Variants in SAMD3 observed in about 807,000 individuals in gnomAD.
The protein encoded by SAMD3 is sterile alpha motif domain-containing protein 3.
A neutral mutation model predicts 58.5 loss-of-function variants in SAMD3; 63 were observed. The ratio of observed to expected loss-of-function variants is 1.08; its 90% CI spans 0.88 to 1.33. The LOEUF (loss-of-function observed/expected upper bound fraction) is 1.33, where lower values mean the gene tolerates loss of function less well. SAMD3 is among the 40% of genes most tolerant of loss of function. SAMD3 has a pLI of 0.00. For missense variants in SAMD3, 604 were observed against 608.4 expected, an observed-to-expected ratio of 0.99 and a Z score of 0.08; for synonymous variants, 220 against 210.3, an observed-to-expected ratio of 1.05 and a Z score of -0.40.
At chr6:130,354,260 GT>G (rs1342609506) in intron 1 of SAMD3, among the ~76,000 whole-genome samples, 1 of 152,222 alleles carries the variant, frequency 6.6e-6, no homozygotes, top group East Asian at 1.9e-4. Context: ...GTGGAAAGAA[GT>G]GTGGTAATTC....
At chr6:130,172,763 T>C (rs1791363971) in intron 8 of SAMD3, among the ~76,000 whole-genome samples, 1 of 152,218 alleles carries the variant, frequency 6.6e-6, no homozygotes, top group African/African-American at 2.4e-5. Context: ...TCTTGCTAGG[T>C]TGGGGAAGTT....
intron 4 of SAMD3, among the ~76,000 whole-genome samples, chr6:130,213,239 C>A (rs9483092): frequency 0.8 from 121,965 of 151,992 alleles, 49,580 homozygotes; most frequent in African/African-American, 0.93. Context: ...TCGAAGCTGC[C>A]GTGAGCTATG....
chr6:130,332,892 G>A (rs1431802868), intron 1 of SAMD3, among the ~76,000 whole-genome samples: 4 of 152,158 alleles, frequency 2.6e-5, no homozygotes, highest in Non-Finnish European at 5.9e-5. Context: ...ATCCAGACCT[G>A]TGGAGGAACT....
intron 5 of SAMD3, among the ~76,000 whole-genome samples, chr6:130,208,706 C>G (rs369679495): frequency 1.2e-4 from 18 of 152,184 alleles, no homozygotes; most frequent in Admixed American, 7.2e-4. Context: ...CTCACTGATT[C>G]TACATTATGG....
intron 1 of SAMD3, among the ~76,000 whole-genome samples, chr6:130,219,328 TA>T (rs1381978762): frequency 2.2e-5 from 3 of 135,758 alleles, no homozygotes; most frequent in Non-Finnish European, 4.9e-5. Context: ...TACAGGGATT[TA>T]TTTTTTTTTA....
At chr6:130,157,620 C>A (rs923008625) in intron 8 of SAMD3, among the ~76,000 whole-genome samples, 5 of 152,030 alleles carry the variant, frequency 3.3e-5, no homozygotes, top group African/African-American at 1.2e-4. Context: ...AGCCACCACG[C>A]CTGACAGATA....
chr6:130,365,134 T>C, exon 1 of SAMD3: 1 of 966,498 alleles, frequency 1.0e-6, no homozygotes, highest in Non-Finnish European at 1.2e-6. Flanking sequence ...TTGGCCTGCA[T>C]ATATACAGTC....
chr6:130,204,583 C>T (rs867807316), intron 5 of SAMD3, among the ~76,000 whole-genome samples: 121 of 139,080 alleles, frequency 8.7e-4, no homozygotes, highest in African/African-American at 3.3e-3. Context: ...GGTGACAGAA[C>T]GAGACCCTAT....
At chr6:130,211,432 C>T (rs113029343) in intron 4 of SAMD3, among the ~76,000 whole-genome samples, 111 of 151,810 alleles carry the variant, frequency 7.3e-4, no homozygotes, top group African/African-American at 2.4e-3. Flanking sequence ...TACAGGCACC[C>T]GCCACCAGGT....
chr6:130,224,232 T>G (rs1796321130), upstream of SAMD3, among the ~76,000 whole-genome samples: 1 of 152,154 alleles, frequency 6.6e-6, no homozygotes, highest in Non-Finnish European at 1.5e-5. Context: ...CGCTTGTGTC[T>G]GTGCCCGCTA....
rs201121414 is a variant in SAMD3, at chr6:130,299,176, AT to A, written c.-188+13801del. Reference sequence around the variant, plus strand: ...TAATATAATTTTTCTAATCTGTGCTATGAAAAATTCTCTAAAATTGACCATA... The same window carrying A: ...TAATATAATTTTTCTAATCTGTGCTAGAAAAATTCTCTAAAATTGACCATA... On this transcript the variant is annotated intron_variant, in intron 2 of 13. Coordinates refer to the SAMD3 transcript ENST00000368134. Among the ~76,000 whole-genome samples, 1,264 of 152,322 alleles carry A rather than the reference AT, an allele frequency of 8.3e-3. 9 individuals carry two copies. Among genetic ancestry groups the A allele is most frequent in the Non-Finnish European group, 0.012 (817 of 68,008 alleles).
intron 2 of SAMD3, among the ~76,000 whole-genome samples, chr6:130,289,835 C>T (rs886772989): frequency 5.9e-5 from 9 of 152,104 alleles, no homozygotes; most frequent in African/African-American, 2.2e-4. Context: ...GTCAGAAGAC[C>T]TAGGTAGGTG....
intron 1 of SAMD3, among the ~76,000 whole-genome samples, chr6:130,356,234 T>G (rs765101610): frequency 3.9e-5 from 6 of 152,150 alleles, no homozygotes; most frequent in Non-Finnish European, 5.9e-5. Flanking sequence ...TATTCACCCT[T>G]TTCCTCATCT....
chr6:130,357,100 A>C (rs1279847028), intron 1 of SAMD3, among the ~76,000 whole-genome samples: 1 of 151,702 alleles, frequency 6.6e-6, no homozygotes, highest in Non-Finnish European at 1.5e-5. Flanking sequence ...AGATTTAAAA[A>C]ATTATCTGCC....
At chr6:130,217,586 CT>C (rs1796068113) in intron 1 of SAMD3, among the ~76,000 whole-genome samples, 1 of 152,140 alleles carries the variant, frequency 6.6e-6, no homozygotes, top group South Asian at 2.1e-4. Flanking sequence ...TATGGGCAAG[CT>C]TTATTTAATA....
intron 1 of SAMD3, among the ~76,000 whole-genome samples, chr6:130,361,745 A>G (rs915608659): frequency 1.3e-5 from 2 of 152,264 alleles, no homozygotes; most frequent in African/African-American, 4.8e-5. Flanking sequence ...CAGAAACTGC[A>G]GAATTAAATT....
At chr6:130,307,538 G>A (rs1775948639) in intron 2 of SAMD3, among the ~76,000 whole-genome samples, 1 of 152,120 alleles carries the variant, frequency 6.6e-6, no homozygotes, top group Non-Finnish European at 1.5e-5. Flanking sequence ...AGAAACTTAG[G>A]TTTATAATTT....
chr6:130,222,124 A>G (rs561561193), intron 1 of SAMD3, among the ~76,000 whole-genome samples: 22 of 152,288 alleles, frequency 1.4e-4, no homozygotes, highest in African/African-American at 5.3e-4. Context: ...TTGCTTGTAA[A>G]GGTAAAAGTG....
chr6:130,294,911 T>C (rs1162949959), intron 2 of SAMD3, among the ~76,000 whole-genome samples: 1 of 43,374 alleles, frequency 2.3e-5, no homozygotes, highest in Non-Finnish European at 3.4e-5. Flanking sequence ...TTTCTCTGAT[T>C]TTTTTTTTTT....
Sources: allele counts gnomAD v4.1 joint callset (sites outside exome capture counted in the v4.1 genomes callset), GRCh38; gene constraint gnomAD v4.1.1; transcripts MANE v1.5; gene names NCBI Gene and HGNC (gene_info 2026-07-23, HGNC 2026-07-21).